Variants in TSNARE1 observed in about 807,000 individuals in gnomAD.
TSNARE1 encodes the protein t-SNARE domain containing 1, also known as t-SNARE domain-containing protein 1.
In TSNARE1, 49 loss-of-function variants were observed where a neutral mutation model predicts 62.0. That is an observed-to-expected ratio of 0.79 (90% confidence interval 0.63 to 1.00). The LOEUF (loss-of-function observed/expected upper bound fraction) is 1.00. Ranked by LOEUF, TSNARE1 falls within the 50% of genes least tolerant of loss-of-function variation. The probability of loss-of-function intolerance (pLI) is 0.00; values close to 1 mark genes in which losing one functional copy is unlikely to be tolerated. For missense variants in TSNARE1, 755 were observed against 700.1 expected (o/e 1.08, Z -0.88); for synonymous variants, 328 against 294.4 (o/e 1.11, Z -1.17).
chr8:142,299,679 A>C (rs1190594199), intron 10 of TSNARE1, among the ~76,000 whole-genome samples: 1 of 151,732 alleles, frequency 6.6e-6, no homozygotes, highest in Admixed American at 6.6e-5. Context: ...ACGCACTCAC[A>C]TGCATCACAC....
At chr8:142,355,529 G>A (rs1394395499) in intron 1 of TSNARE1, among the ~76,000 whole-genome samples, 1 of 152,142 alleles carries the variant, frequency 6.6e-6, no homozygotes, top group Non-Finnish European at 1.5e-5. Context: ...CTCCTCCCGT[G>A]GGCTGCAGCT....
At chr8:142,293,662 G>A (rs1824191144) in intron 10 of TSNARE1, among the ~76,000 whole-genome samples, 2 of 152,200 alleles carry the variant, frequency 1.3e-5, no homozygotes, top group African/African-American at 4.8e-5. Context: ...GAAGCTTCCT[G>A]GAGACCTGGC....
At chr8:142,281,516 G>A (rs1007598159) in intron 11 of TSNARE1, among the ~76,000 whole-genome samples, 1 of 152,012 alleles carries the variant, frequency 6.6e-6, no homozygotes, top group Non-Finnish European at 1.5e-5. Flanking sequence ...GGGCTGCTGT[G>A]TGACTACAGT....
chr8:142,232,587 G>A (rs1586801289), intron 12 of TSNARE1, among the ~76,000 whole-genome samples: 1 of 152,368 alleles, frequency 6.6e-6, no homozygotes, highest in East Asian at 1.9e-4. Context: ...GCCCGAGGGA[G>A]CACCTGCGGA....
intron 11 of TSNARE1, chr8:142,275,286 G>A (rs551740337): frequency 2.0e-6 from 2 of 985,458 alleles, no homozygotes; most frequent in East Asian, 2.3e-4. Flanking sequence ...TTGCGACGCG[G>A]CTGATGGAGA....
chr8:142,318,686 G>C (rs1828974218), intron 6 of TSNARE1, 52 bp from the exon 7 acceptor site: 1 of 1,586,640 alleles, frequency 6.3e-7, no homozygotes, highest in Non-Finnish European at 8.6e-7. Flanking sequence ...AGGCAGCAGA[G>C]AGCAAGGGCC....
At chr8:142,382,174 AGAG>A (rs150345772) in intron 1 of TSNARE1, among the ~76,000 whole-genome samples, 1 of 152,120 alleles carries the variant, frequency 6.6e-6, no homozygotes, top group Admixed American at 6.5e-5. Context: ...ACAGAGAGCC[AGAG>A]GAGGAGGAGG....
At chr8:142,227,393 C>T (rs1816884253) in intron 13 of TSNARE1, among the ~76,000 whole-genome samples, 1 of 68,914 alleles carries the variant, frequency 1.5e-5, no homozygotes, top group African/African-American at 3.3e-5. Flanking sequence ...CTGCCAATAG[C>T]CCCAGTGACA....
intron 4 of TSNARE1, among the ~76,000 whole-genome samples, chr8:142,337,221 T>A (rs1335702374): frequency 6.6e-6 from 1 of 152,220 alleles, no homozygotes; most frequent in African/African-American, 2.4e-5. Context: ...GGAATAATAC[T>A]GAGATGATAA....
chr8:142,228,312 T>A (rs540092393), intron 13 of TSNARE1, among the ~76,000 whole-genome samples: 117 of 152,342 alleles, frequency 7.7e-4, no homozygotes, highest in African/African-American at 2.7e-3. Flanking sequence ...CTGCTTAACA[T>A]GTTTCAGAGG....
rs941892290 is a variant in TSNARE1, at chr8:142,363,824, G to A, written c.-39-9061C>T. On this transcript the variant is annotated intron_variant, in intron 1 of 13. Coordinates refer to ENST00000524325, the MANE Select transcript of TSNARE1 (RefSeq NM_145003.5). ...AGATCTCAGGGTGAAGACCACGCAC[G>A]CCCTCGCAAGAGACCGGGATACCCA... Among the ~76,000 whole-genome samples the A allele has an allele frequency of 3.9e-5, 6 of 152,142 alleles. No individual in the cohort carries two copies. In the East Asian group the frequency reaches 5.8e-4, roughly 15 times the overall value.
At chr8:142,395,357 C>A (rs1837822071) in intron 1 of TSNARE1, among the ~76,000 whole-genome samples, 1 of 152,144 alleles carries the variant, frequency 6.6e-6, no homozygotes, top group Non-Finnish European at 1.5e-5. Context: ...GGGGCTGACT[C>A]CTGACGGCGT....
At chr8:142,282,642 G>A (rs866670832) in intron 11 of TSNARE1, among the ~76,000 whole-genome samples, 74 of 126,590 alleles carry the variant, frequency 5.8e-4, no homozygotes, top group Non-Finnish European at 9.3e-4. Flanking sequence ...CAGAGGCGGG[G>A]CCAGTGTCTG....
At chr8:142,256,190 T>TCATCACCACCACCACTGTCAC (rs1818528803) in intron 12 of TSNARE1, among the ~76,000 whole-genome samples, 8 of 50,558 alleles carry the variant, frequency 1.6e-4, no homozygotes, top group Admixed American at 1.5e-3. Context: ...ACCACCACCA[T>TCATCACCACCACCACTGTCAC]CATCACCACC....
chr8:142,275,404 G>A (rs1445817974), intron 11 of TSNARE1: 6 of 985,188 alleles, frequency 6.1e-6, no homozygotes, highest in African/African-American at 3.5e-5. Flanking sequence ...CACGGGAGAT[G>A]GTACCTGGGA....
rs957902323 is a variant in TSNARE1 at position 142,319,003 on chromosome 8, G to C, written c.894-369C>G. Among the ~76,000 whole-genome samples, 1 of 151,718 alleles carries C rather than the reference G, an allele frequency of 6.6e-6. No individual in the cohort carries two copies. Among genetic ancestry groups the C allele is most frequent in the Non-Finnish European group, 1.5e-5 (1 of 67,906 alleles). On this transcript the variant is annotated intron_variant, in intron 6 of 13. Transcript: ENST00000524325. This position sits in a 1 kb window ranked among gnomAD's most constrained non-coding sequence, Gnocchi z 4.9. ...ACGGGCAGACACCCAGCAAGAGACGGGGGAGACGGGCAGACACACAGCAAG... is the reference window on the plus strand; with the variant it reads ...ACGGGCAGACACCCAGCAAGAGACGCGGGAGACGGGCAGACACACAGCAAG...
chr8:142,391,135 T>C (rs1191940265), intron 1 of TSNARE1, among the ~76,000 whole-genome samples: 2 of 135,586 alleles, frequency 1.5e-5, no homozygotes, highest in African/African-American at 5.4e-5. Context: ...CTGGGGACTC[T>C]GTAACAGACG....
chr8:142,382,128 G>A (rs530235437), intron 1 of TSNARE1, among the ~76,000 whole-genome samples: 10 of 152,186 alleles, frequency 6.6e-5, no homozygotes, highest in African/African-American at 2.2e-4. Context: ...ATGGGCATCC[G>A]AGTGGCATGT....
chr8:142,393,136 T>C (rs775760007), intron 1 of TSNARE1, among the ~76,000 whole-genome samples: 1 of 152,122 alleles, frequency 6.6e-6, no homozygotes, highest in Non-Finnish European at 1.5e-5. Flanking sequence ...ATCCACACCG[T>C]GGAACAGGCC....
Sources: gnomAD v4.1 joint callset for allele counts (sites outside exome capture counted in the v4.1 genomes callset) on GRCh38, gnomAD v4.1.1 for gene constraint, Gnocchi (gnomAD v3.1) non-coding constraint, MANE v1.5 for transcripts, NCBI Gene and HGNC (gene_info 2026-07-23, HGNC 2026-07-21) for gene names.